Variants in GATAD2B observed in about 807,000 individuals in gnomAD.
The protein encoded by GATAD2B is transcriptional repressor p66-beta.
Under a neutral mutation model 64.3 loss-of-function variants are expected in GATAD2B, and 8 were observed. The observed-to-expected ratio is 0.12, with a 90% CI of 0.07 to 0.22. The LOEUF is 0.22. GATAD2B is among the 10% of genes least tolerant of loss of function. The probability of loss-of-function intolerance (pLI) is 1.00; values close to 1 mark genes in which losing one functional copy is unlikely to be tolerated. For missense variants in GATAD2B, 453 were observed against 752.0 expected, an observed-to-expected ratio of 0.60 and a Z score of 4.65; for synonymous variants, 281 against 271.3, an observed-to-expected ratio of 1.04 and a Z score of -0.35.
chr1:153,812,523 T>G (rs977371387), intron 8 of GATAD2B, among the ~76,000 whole-genome samples: 1 of 152,202 alleles, frequency 6.6e-6, no homozygotes, highest in African/African-American at 2.4e-5. Flanking sequence ...TCTAAGAAGT[T>G]GGCTGGAGGT....
At chr1:153,848,581 C>A (rs1439394579) in intron 1 of GATAD2B, among the ~76,000 whole-genome samples, 2 of 152,148 alleles carry the variant, frequency 1.3e-5, no homozygotes, top group Non-Finnish European at 2.9e-5. Context: ...TATACTAATT[C>A]TCAAATTGAT....
In GATAD2B at chr1:153,811,802, G is replaced by A. The variant is rs1304222415; in HGVS notation, c.1577C>T (p.Ala526Val). ...TGCAAAGTTTGAAAGCATGGAGCGG[G>A]CAGATGTGGGTATGCCACGCTGGAG... ...SSLQRGIPTS[A>V]RSMLSNFAQA... Residue 526 changes from alanine to valine, a missense_variant, in exon 10 of 11, where the codon GCC becomes GTC. By Grantham distance (64) the Ala-to-Val change is moderately conservative. This residue lies in a region of GATAD2B where 160 missense variants were observed against 334.7 expected (regional missense o/e 0.48). Transcript: ENST00000368655. The A allele has an allele frequency of 6.2e-7, 1 of 1,613,172 alleles. No individual in the cohort carries two copies. The highest frequency in any genetic ancestry group is 1.1e-5 in the South Asian group (1 of 90,880).
intron 1 of GATAD2B, among the ~76,000 whole-genome samples, chr1:153,892,985 G>A (rs7415004): frequency 0.41 from 62,363 of 151,828 alleles, 13,942 homozygotes; most frequent in Non-Finnish European, 0.52. Flanking sequence ...GAGCCACTGC[G>A]CCCGGCCAAG....
intron 1 of GATAD2B, among the ~76,000 whole-genome samples, chr1:153,873,145 G>C (rs1212596886): frequency 6.6e-6 from 1 of 152,128 alleles, no homozygotes; most frequent in African/African-American, 2.4e-5. Context: ...GTATTATTAT[G>C]AAACTATTCT....
chr1:153,853,048 T>C (rs908663619), intron 1 of GATAD2B: 3 of 1,492,734 alleles, frequency 2.0e-6, no homozygotes, highest in African/African-American at 1.4e-5. Flanking sequence ...CCAGTCACAG[T>C]AGTCGTCACA....
chr1:153,889,238 A>AC (rs1200341259), intron 1 of GATAD2B, among the ~76,000 whole-genome samples: 1 of 151,298 alleles, frequency 6.6e-6, no homozygotes, highest in African/African-American at 2.4e-5. Flanking sequence ...CATGGAAAAA[A>AC]CCTATCTCTA....
chr1:153,874,756 T>C (rs1214576633), intron 1 of GATAD2B, among the ~76,000 whole-genome samples: 1 of 151,872 alleles, frequency 6.6e-6, no homozygotes, highest in Non-Finnish European at 1.5e-5. Context: ...TTTGTATTTT[T>C]AGTAGAGACA....
intron 2 of GATAD2B, among the ~76,000 whole-genome samples, chr1:153,820,300 A>G (rs563206171): frequency 1.2e-4 from 19 of 152,300 alleles, no homozygotes; most frequent in African/African-American, 3.8e-4. Context: ...TTACCTCAAA[A>G]AGAGTCTAGA....
At position 153,882,464 on chromosome 1, in the gene GATAD2B, C is replaced by T. The variant is rs150599169; in HGVS notation, c.-2+40269G>A. On this transcript the variant is annotated intron_variant, in intron 1 of 10. Transcript: ENST00000368655. ...CACAGATAGGACATCTGATTTAACC[C>T]GATCCATTGACACCGTTCAGGGCAG... is the stretch of plus-strand genomic sequence containing the variant. Among the ~76,000 whole-genome samples the T allele has an allele frequency of 1.7e-4, 26 of 152,212 alleles. No homozygotes were observed. In the East Asian group the frequency reaches 3.9e-3, roughly 23 times the overall value.
At chr1:153,908,520 A>G (rs770628730) in intron 1 of GATAD2B, among the ~76,000 whole-genome samples, 29 of 151,390 alleles carry the variant, frequency 1.9e-4, no homozygotes, top group Non-Finnish European at 3.8e-4. Flanking sequence ...CTCGTTGCCC[A>G]GGCTGGAATC....
rs181941870 is a variant in GATAD2B at position 153,845,739 on chromosome 1, C to T, written c.-1-17391G>A. Among the ~76,000 whole-genome samples the T allele has an allele frequency of 4.2e-3, 635 of 152,004 alleles. 4 individuals are homozygous for T. The highest frequency in any genetic ancestry group is 0.015 in the African/African-American group (603 of 41,432). ...CACCACTGCACTCAAGCCTGGGTGA[C>T]AGAGCAAGACTCTATCTCAAAAAAA... On this transcript the variant is annotated intron_variant, in intron 1 of 10. Transcript: ENST00000368655.
At chr1:153,902,560 T>A (rs1031896169) in intron 1 of GATAD2B, among the ~76,000 whole-genome samples, 1 of 152,060 alleles carries the variant, frequency 6.6e-6, no homozygotes, top group Non-Finnish European at 1.5e-5. Flanking sequence ...GCTCAAGGGA[T>A]TCTCTTACCT....
intron 1 of GATAD2B, among the ~76,000 whole-genome samples, chr1:153,834,473 C>T (rs1190240621): frequency 6.6e-6 from 1 of 152,148 alleles, no homozygotes; most frequent in Non-Finnish European, 1.5e-5. Context: ...CAGCTCACCT[C>T]CACCTTCCAG....
chr1:153,862,928 T>C (rs1676361780), intron 1 of GATAD2B, among the ~76,000 whole-genome samples: 1 of 151,386 alleles, frequency 6.6e-6, no homozygotes, highest in Non-Finnish European at 1.5e-5. Flanking sequence ...TTCTTCATGT[T>C]GGTCAGGCTG....
At chr1:153,874,072 G>A (rs1676750818) in intron 1 of GATAD2B, among the ~76,000 whole-genome samples, 1 of 152,026 alleles carries the variant, frequency 6.6e-6, no homozygotes, top group Non-Finnish European at 1.5e-5. Context: ...GACCATCCTG[G>A]CCAACATGGT....
intron 1 of GATAD2B, among the ~76,000 whole-genome samples, chr1:153,919,579 C>T (rs199822293): frequency 1.3e-5 from 2 of 152,164 alleles, no homozygotes; most frequent in East Asian, 3.8e-4. Context: ...ACAGAGACTA[C>T]TGAGGATAAA....
At chr1:153,872,160 A>T (rs765587722) in intron 1 of GATAD2B, among the ~76,000 whole-genome samples, 43 of 151,400 alleles carry the variant, frequency 2.8e-4, no homozygotes, top group South Asian at 1.3e-3. Context: ...TCTACTAAAC[A>T]TATGAAAAAG....
chr1:153,903,293 T>G (rs1454214219), intron 1 of GATAD2B, among the ~76,000 whole-genome samples: 2 of 151,998 alleles, frequency 1.3e-5, no homozygotes, highest in African/African-American at 4.8e-5. Context: ...GTTTTCTCTC[T>G]ATCAGAACAA....
rs536267030 is a variant in GATAD2B, at chr1:153,917,996, T to C, written c.-2+4737A>G. ...AGGTGAGGCAATCAGCCATTCTCTGTGGGGAAACCTAGCTGTTTTCCCACT... is the reference window on the plus strand; with the variant it reads ...AGGTGAGGCAATCAGCCATTCTCTGCGGGGAAACCTAGCTGTTTTCCCACT... On this transcript the variant is annotated intron_variant, in intron 1 of 10. Coordinates refer to ENST00000368655, the MANE Select transcript of GATAD2B (RefSeq NM_020699.4). 2.1e-3 allele frequency among the ~76,000 whole-genome samples: 322 copies of C among 152,324 alleles called. 1 individual carries two copies. The highest frequency in any genetic ancestry group is 3.7e-3 in the Non-Finnish European group (255 of 68,024).
Sources: allele counts gnomAD v4.1 joint callset (sites outside exome capture counted in the v4.1 genomes callset), GRCh38; gene constraint gnomAD v4.1.1; regional missense constraint gnomAD v4.1.1; transcripts MANE v1.5; gene names NCBI Gene and HGNC (gene_info 2026-07-23, HGNC 2026-07-21).